Variants in KALRN observed in about 807,000 individuals in gnomAD.
The protein encoded by KALRN is kalirin.
KALRN carries 70 observed loss-of-function variants against 353.7 expected under a neutral mutation model. The observed-to-expected ratio is 0.20, with a 90% confidence interval of 0.16 to 0.24. The LOEUF is 0.24. Among genes scored for constraint, KALRN ranks in the 10% least tolerant of loss-of-function variants. The pLI, the probability that KALRN is intolerant of heterozygous loss-of-function variation, is 1.00. For synonymous variants in KALRN, 1,391 were observed against 1,434.8 expected (o/e 0.97, Z 0.69); for missense variants, 2,791 against 3,756.7 (o/e 0.74, Z 6.72).
At chr3:124,157,929 T>C (rs1223374891) in intron 1 of KALRN, among the ~76,000 whole-genome samples, 1 of 152,152 alleles carries the variant, frequency 6.6e-6, no homozygotes, top group Non-Finnish European at 1.5e-5. Flanking sequence ...TGGCTGTGGG[T>C]CTGGGACCTG....
At chr3:124,475,973 AG>A in intron 26 of KALRN, among the ~76,000 whole-genome samples, 1 of 152,060 alleles carries the variant, frequency 6.6e-6, no homozygotes, top group Middle Eastern at 3.4e-3. Flanking sequence ...CATTAAGTAA[AG>A]GGTTTTTTTT....
At chr3:124,529,815 G>A (rs1487155402) in intron 33 of KALRN, among the ~76,000 whole-genome samples, 3 of 150,286 alleles carry the variant, frequency 2.0e-5, no homozygotes, top group African/African-American at 7.3e-5. Flanking sequence ...AGCACCAAGG[G>A]CCAAGAACAA....
intron 1 of KALRN, among the ~76,000 whole-genome samples, chr3:124,173,904 G>A (rs973035000): frequency 4.6e-5 from 7 of 152,136 alleles, no homozygotes; most frequent in East Asian, 1.9e-4. Flanking sequence ...ATGAGCCACC[G>A]TCCCTGTGCT....
intron 1 of KALRN, among the ~76,000 whole-genome samples, chr3:124,195,185 C>T (rs1005932563): frequency 2.6e-5 from 4 of 152,224 alleles, no homozygotes; most frequent in South Asian, 4.2e-4. Flanking sequence ...TTTACTATAG[C>T]CCCTCATTAA....
intron 9 of KALRN, among the ~76,000 whole-genome samples, chr3:124,344,845 A>C (rs534554530): frequency 4.6e-5 from 7 of 152,352 alleles, no homozygotes; most frequent in African/African-American, 1.7e-4. Context: ...ACTAAGTGTC[A>C]CTAAAAATAA....
intron 13 of KALRN, 85 bp downstream of exon 13, chr3:124,398,956 C>A: frequency 7.1e-7 from 1 of 1,402,214 alleles, no homozygotes; most frequent in Non-Finnish European, 9.6e-7. Context: ...AGGGCAGTAG[C>A]CTAAGGAAAT....
intron 9 of KALRN, among the ~76,000 whole-genome samples, chr3:124,345,054 A>G (rs1003910787): frequency 3.3e-5 from 5 of 152,206 alleles, no homozygotes; most frequent in Admixed American, 1.3e-4. Flanking sequence ...ATGAGATAAA[A>G]CAAAACTCAT....
intron 57 of KALRN, among the ~76,000 whole-genome samples, chr3:124,705,802 C>CCCTT (rs1024700710): frequency 0.015 from 2,181 of 149,074 alleles, 51 homozygotes; most frequent in African/African-American, 0.047. Flanking sequence ...ACTGGTCCCT[C>CCCTT]CCTTCCTTCC....
intron 33 of KALRN, among the ~76,000 whole-genome samples, chr3:124,556,402 TA>T (rs1041376279): frequency 2.9e-4 from 43 of 150,082 alleles, no homozygotes; most frequent in African/African-American, 5.1e-4. Flanking sequence ...ACACATTTGC[TA>T]AAAAAAAAAT....
intron 49 of KALRN, 115 bp from the exon 50 acceptor site, chr3:124,678,075 A>AT: frequency 8.7e-7 from 1 of 1,143,834 alleles, no homozygotes; most frequent in South Asian, 1.4e-5. Context: ...GGGCCTCTGA[A>AT]GCCCGGGCTT....
intron 5 of KALRN, among the ~76,000 whole-genome samples, chr3:124,281,846 G>T (rs915525386): frequency 2.0e-5 from 3 of 152,202 alleles, no homozygotes; most frequent in Non-Finnish European, 4.4e-5. Flanking sequence ...AGTTGACCGT[G>T]ACACAGTCTG....
chr3:124,718,516 C>T (rs2150841077), intron 59 of KALRN, among the ~76,000 whole-genome samples: 1 of 152,308 alleles, frequency 6.6e-6, no homozygotes, highest in Admixed American at 6.5e-5. Flanking sequence ...ACAATGACAT[C>T]TGGTGTGAGA....
chr3:124,153,625 A>G (rs2149930900), intron 1 of KALRN, among the ~76,000 whole-genome samples: 1 of 151,592 alleles, frequency 6.6e-6, no homozygotes, highest in South Asian at 2.1e-4. Context: ...TCCTTTGGGT[A>G]TATACCCAGT....
chr3:124,138,284 C>T (rs2066181111), intron 1 of KALRN, among the ~76,000 whole-genome samples: 1 of 152,144 alleles, frequency 6.6e-6, no homozygotes, highest in African/African-American at 2.4e-5. Flanking sequence ...TTTGGAGAGA[C>T]CTACTCTTTT....
intron 34 of KALRN, among the ~76,000 whole-genome samples, chr3:124,620,927 C>T (rs934614884): frequency 6.6e-6 from 1 of 152,172 alleles, no homozygotes; most frequent in African/African-American, 2.4e-5. Context: ...GGAGCCAAAG[C>T]GTGGGGCCAG....
intron 1 of KALRN, among the ~76,000 whole-genome samples, chr3:124,074,544 G>A (rs1202047948): frequency 2.0e-5 from 3 of 152,174 alleles, no homozygotes; most frequent in Non-Finnish European, 4.4e-5. Flanking sequence ...ATCTTATCTG[G>A]AGAGAGGAGA....
intron 47 of KALRN, among the ~76,000 whole-genome samples, chr3:124,669,714 C>T (rs935097884): frequency 1.3e-5 from 2 of 152,146 alleles, no homozygotes; most frequent in African/African-American, 2.4e-5. Context: ...GAATTGGTTC[C>T]AAGACCTCCC....
At chr3:124,259,824 A>G (rs1418868522) in intron 3 of KALRN, among the ~76,000 whole-genome samples, 1 of 152,222 alleles carries the variant, frequency 6.6e-6, no homozygotes, top group Non-Finnish European at 1.5e-5. Context: ...AGGGGTATAA[A>G]GAGTGCCGGG....
chr3:124,441,900 C>A, intron 18 of KALRN, 45 bp from the exon 19 acceptor site: 1 of 1,253,304 alleles, frequency 8.0e-7, no homozygotes, highest in South Asian at 1.4e-5. Flanking sequence ...TCTTGGATTC[C>A]ATACACCTGC....
Sources: gnomAD v4.1 joint callset for allele counts (sites outside exome capture counted in the v4.1 genomes callset) on GRCh38, gnomAD v4.1.1 for gene constraint, MANE v1.5 for transcripts, NCBI Gene and HGNC (gene_info 2026-07-23, HGNC 2026-07-21) for gene names.